ZNF541: variants seen among roughly 807,000 people sequenced by gnomAD.
ZNF541 encodes zinc finger protein 541.
Under a neutral mutation model 123.5 loss-of-function variants are expected in ZNF541, and 23 were observed. That is an observed-to-expected ratio of 0.19 (90% CI 0.13 to 0.26). The LOEUF (loss-of-function observed/expected upper bound fraction) is 0.26. Among genes scored for constraint, ZNF541 ranks in the 10% least tolerant of loss-of-function variants. The probability of loss-of-function intolerance (pLI) is 1.00; values close to 1 mark genes in which losing one functional copy is unlikely to be tolerated. For missense variants in ZNF541, 1,612 were observed against 1,789.9 expected (o/e 0.90, Z 1.79); for synonymous variants, 751 against 754.5 (o/e 1.00, Z 0.08).
At chr19:47,561,395 G>A (rs955680118) in intron 2 of ZNF541, among the ~76,000 whole-genome samples, 6 of 151,892 alleles carry the variant, frequency 4.0e-5, no homozygotes. Context: ...CTATGATTGC[G>A]CCACTGCACT....
chr19:47,565,796 T>C (rs1971239132), intron 2 of ZNF541, among the ~76,000 whole-genome samples: 1 of 152,226 alleles, frequency 6.6e-6, no homozygotes, highest in South Asian at 2.1e-4. Context: ...TTATGTCTTG[T>C]TCTATCATCA....
intron 14 of ZNF541, among the ~76,000 whole-genome samples, chr19:47,527,445 G>A (rs191394393): frequency 2.0e-4 from 31 of 152,210 alleles, no homozygotes; most frequent in African/African-American, 7.5e-4. Flanking sequence ...ACCCAGGCTG[G>A]AGTGCAGTGG....
chr19:47,534,967 C>G (rs1284190900), intron 9 of ZNF541, among the ~76,000 whole-genome samples: 1 of 150,920 alleles, frequency 6.6e-6, no homozygotes. Context: ...GTCAAAATTA[C>G]AAAGCTCTTT....
rs1408203969 is a variant in ZNF541 at position 47,521,191 on chromosome 19, T to C, written c.*33A>G. The C allele has an allele frequency of 5.8e-6, 9 of 1,546,524 alleles. No homozygotes were observed. Among genetic ancestry groups the C allele is most frequent in the Non-Finnish European group, 7.0e-6 (8 of 1,144,124 alleles). ...AGGCCGAAGGGAGGAGGGGCAGCAC[T>C]GGAGGCCCCATTCGGACTTGCTGCC... On this transcript the variant is annotated 3_prime_UTR_variant, in exon 17 of 17. Coordinates refer to ENST00000391901, the MANE Select transcript of ZNF541 (RefSeq NM_001277075.3). This position sits in a 1 kb window ranked among gnomAD's most constrained non-coding sequence, Gnocchi z 4.2.
intron 14 of ZNF541, among the ~76,000 whole-genome samples, chr19:47,523,339 T>TTA (rs1491434791): frequency 1.9e-5 from 2 of 105,750 alleles, no homozygotes; most frequent in African/African-American, 8.9e-5. Flanking sequence ...GCGTCTCTTT[T>TTA]AAAAAAAAAA....
chr19:47,549,483 G>C lies in ZNF541; in HGVS notation c.310C>G (p.Leu104Val). 3.2e-6 allele frequency: 5 copies of C among 1,551,764 alleles called. No homozygotes were observed. The highest frequency in any genetic ancestry group is 4.4e-6 in the Non-Finnish European group (5 of 1,147,032). The change falls in exon 4 of 17, where the codon CTG becomes GTG. Residue 104 changes from leucine (L) to valine (V), a missense_variant and splice_region_variant. Physicochemically the swap from Leu to Val is conservative, Grantham distance 32 (BLOSUM62 1). Around this residue, in one of 5 missense-constraint regions of ZNF541, gnomAD observed 212 missense variants for 289.6 expected, o/e 0.73. Coordinates refer to ENST00000391901, the MANE Select transcript of ZNF541 (RefSeq NM_001277075.3). ...DSESQASLQDLGLGVLKAKEA... is the reference protein window; with the variant it reads ...DSESQASLQDVGLGVLKAKEA... Reference sequence around the variant, plus strand: ...TTAGCCTTAAGCACACCTAGCCCCAGGTCTAAACAGAGGGAGAAAGCACAG... The same window carrying C: ...TTAGCCTTAAGCACACCTAGCCCCACGTCTAAACAGAGGGAGAAAGCACAG...
At chr19:47,537,318 C>T (rs567661711) in intron 9 of ZNF541, among the ~76,000 whole-genome samples, 1 of 152,264 alleles carries the variant, frequency 6.6e-6, no homozygotes, top group African/African-American at 2.4e-5. Context: ...AATCCCAGCA[C>T]TTTGGGAGGC....
intron 2 of ZNF541, among the ~76,000 whole-genome samples, chr19:47,559,012 G>A (rs1360065323): frequency 6.6e-6 from 1 of 151,144 alleles, no homozygotes; most frequent in African/African-American, 2.4e-5. Flanking sequence ...CCAAAGTGCT[G>A]GGATTACAGG....
chr19:47,544,634 G>C lies in ZNF541; in HGVS notation c.1895C>G (p.Pro632Arg). The change falls in exon 5 of 17, where the codon CCC becomes CGC. Residue 632 changes from proline (P) to arginine (R), a missense_variant. Around this residue, in one of 5 missense-constraint regions of ZNF541, gnomAD observed 1,080 missense variants for 1,013.8 expected, o/e 1.07. Transcript: ENST00000391901. The stretch of plus-strand genomic sequence containing the variant: ...GGGGGAGGCCTCTCTGGGAACCCCG[G>C]GTGTGGTTTTTCTCCTGCGGGCTGG... ...GSPARRRKTT[P>R]GVPREASPGS... is the part of the protein sequence containing the mutation. 1 of 1,549,488 alleles carries C rather than the reference G, an allele frequency of 6.5e-7. No homozygotes were observed.
intron 8 of ZNF541, among the ~76,000 whole-genome samples, chr19:47,539,065 G>A (rs1306861151): frequency 2.6e-5 from 4 of 152,072 alleles, no homozygotes; most frequent in African/African-American, 7.2e-5. Context: ...GAGCCCCCTG[G>A]GAACTCTCTG....
Position 47,521,677 on chromosome 19 carries a change from A to T in ZNF541, c.3712-23T>A. The T allele has an allele frequency of 6.4e-7, 1 of 1,550,684 alleles. No individual in the cohort carries two copies. The highest frequency in any genetic ancestry group is 1.2e-5 in the South Asian group (1 of 83,928). ...GACCTGCAGAGGGAGCAAAAGTGAC[A>T]TAAGGGTGCTGACCTGTCCTGCTGT... On this transcript the variant is annotated intron_variant, in intron 15 of 16. Coordinates refer to ENST00000391901, the MANE Select transcript of ZNF541 (RefSeq NM_001277075.3). This position sits in a 1 kb window ranked among gnomAD's most constrained non-coding sequence, Gnocchi z 4.2.
intron 2 of ZNF541, among the ~76,000 whole-genome samples, chr19:47,560,501 G>A (rs1971015729): frequency 6.6e-6 from 1 of 151,292 alleles, no homozygotes; most frequent in African/African-American, 2.4e-5. Flanking sequence ...ACTTGAATGT[G>A]GGAGGTGGAG....
In ZNF541 at chr19:47,555,816, G is replaced by A; in HGVS notation, c.41C>T (p.Ser14Leu). The A allele has an allele frequency of 6.4e-7, 1 of 1,551,598 alleles. No individual in the cohort carries two copies. Among genetic ancestry groups the A allele is most frequent in the South Asian group, 1.2e-5 (1 of 84,060 alleles). ...YSLGDEGALP[S>L]EMHLPSFSES... ...TGAAAATGAAGGGAGGTGCATTTCT[G>A]ATGGGAGGGCACCCTCGTCTCCAAG... Residue 14 changes from serine (S) to leucine (L), a missense_variant, in exon 3 of 17, where the codon TCA (serine) becomes TTA (leucine). Physicochemically the swap from Ser to Leu is moderately radical, Grantham distance 145. Transcript: ENST00000391901.
Position 47,521,287 on chromosome 19 carries a change from T to C in ZNF541, c.3978A>G (p.Pro1326=). The C allele has an allele frequency of 6.4e-7, 1 of 1,551,736 alleles. No individual in the cohort carries two copies. Among genetic ancestry groups the C allele is most frequent in the Non-Finnish European group, 8.7e-7 (1 of 1,147,002 alleles). Residue 1326 remains proline, a synonymous_variant, in exon 17 of 17, where the codon CCA becomes CCG. Coordinates refer to ENST00000391901, the MANE Select transcript of ZNF541 (RefSeq NM_001277075.3). The surrounding 1 kb of genome is among the most constrained non-coding windows in gnomAD (Gnocchi z 4.2). ...CTTCCTTTAGCTGGAAGGGCTTCAC[T>C]GGCCACTTCACCCTGATGATGGGCT... The part of the protein sequence containing the change: ...HVEPIIRVKW[P]VKPFQLKEEE...
intron 5 of ZNF541, among the ~76,000 whole-genome samples, chr19:47,542,761 G>A (rs1040100444): frequency 6.6e-6 from 1 of 152,056 alleles, no homozygotes; most frequent in Admixed American, 6.6e-5. Context: ...GCCTGGCCAA[G>A]ATGGTGAAAC....
chr19:47,538,489 C>T, intron 8 of ZNF541, 50 bp from the exon 9 acceptor site: 2 of 1,432,736 alleles, frequency 1.4e-6, no homozygotes, highest in Non-Finnish European at 9.2e-7. Context: ...CCTACTGCAC[C>T]ACTCCATCTC....
At chr19:47,546,926 G>A (rs1285824552) in intron 4 of ZNF541, among the ~76,000 whole-genome samples, 3 of 152,110 alleles carry the variant, frequency 2.0e-5, no homozygotes, top group African/African-American at 7.2e-5. Context: ...TGCCTTGTTG[G>A]CCAAGCTGGT....
intron 2 of ZNF541, among the ~76,000 whole-genome samples, chr19:47,557,799 A>C (rs1970884591): frequency 6.6e-6 from 1 of 152,042 alleles, no homozygotes; most frequent in African/African-American, 2.4e-5. Context: ...AGGCCTAAGA[A>C]TCTACCTTAC....
chr19:47,532,899 C>T lies in ZNF541; in HGVS notation c.3158+10G>A, dbSNP rs185255795. 4.6e-3 allele frequency: 7,088 copies of T among 1,549,638 alleles called. 30 individuals carry two copies. Among genetic ancestry groups the T allele is most frequent in the Middle Eastern group, 0.011 (65 of 5,980 alleles). On this transcript the variant is annotated intron_variant, in intron 10 of 16. Transcript: ENST00000391901. ...GTAAAAGCAGCTTCACTGGAAAGGA[C>T]CCAACTTACGGCTCAATGCTGATTT...
Sources: gnomAD v4.1 joint callset for allele counts (sites outside exome capture counted in the v4.1 genomes callset) on GRCh38, gnomAD v4.1.1 for gene constraint, gnomAD v4.1.1 regional missense constraint, Gnocchi (gnomAD v3.1) non-coding constraint, MANE v1.5 for transcripts, NCBI Gene and HGNC (gene_info 2026-07-23, HGNC 2026-07-21) for gene names.